ADAMTS12: variants seen among roughly 807,000 people sequenced by gnomAD.
The protein encoded by ADAMTS12 is ADAM metallopeptidase with thrombospondin type 1 motif 12.
ADAMTS12 carries 118 observed loss-of-function variants against 167.8 expected under a neutral mutation model. The ratio of observed to expected loss-of-function variants is 0.70; its 90% CI spans 0.61 to 0.82. The LOEUF (loss-of-function observed/expected upper bound fraction) is 0.82, where lower values mean the gene tolerates loss of function less well. Ranked by LOEUF, ADAMTS12 falls within the 40% of genes least tolerant of loss-of-function variation. ADAMTS12 has a pLI of 0.00. For synonymous variants in ADAMTS12, 704 were observed against 716.9 expected, an observed-to-expected ratio of 0.98 and a Z score of 0.29; for missense variants, 1,916 against 1,998.8, an observed-to-expected ratio of 0.96 and a Z score of 0.79.
At chr5:33,868,528 C>A (rs1191112593) in intron 2 of ADAMTS12, among the ~76,000 whole-genome samples, 2 of 152,136 alleles carry the variant, frequency 1.3e-5, no homozygotes, top group Non-Finnish European at 2.9e-5. Flanking sequence ...CGTGCTCCTG[C>A]CCTAGAGATC....
At chr5:33,860,588 C>A (rs1475419805) in intron 2 of ADAMTS12, among the ~76,000 whole-genome samples, 1 of 152,172 alleles carries the variant, frequency 6.6e-6, no homozygotes, top group East Asian at 1.9e-4. Flanking sequence ...GGAAAACACA[C>A]TTCAGGATAC....
At chr5:33,795,218 A>T (rs1746728934) in intron 2 of ADAMTS12, among the ~76,000 whole-genome samples, 1 of 152,202 alleles carries the variant, frequency 6.6e-6, no homozygotes, top group African/African-American at 2.4e-5. Context: ...CCTGGCACCC[A>T]GTGTGCTTAC....
chr5:33,830,582 A>T (rs961079), intron 2 of ADAMTS12, among the ~76,000 whole-genome samples: 41,770 of 152,070 alleles, frequency 0.27, 6,783 homozygotes, highest in Non-Finnish European at 0.37. Flanking sequence ...TGAGCTCAGG[A>T]GTTCAAGAGC....
At chr5:33,835,532 T>C (rs1306905470) in intron 2 of ADAMTS12, among the ~76,000 whole-genome samples, 1 of 152,216 alleles carries the variant, frequency 6.6e-6, no homozygotes, top group Admixed American at 6.5e-5. Flanking sequence ...ATTCAGTATC[T>C]GGCGAGGGCC....
intron 13 of ADAMTS12, among the ~76,000 whole-genome samples, chr5:33,626,801 G>A (rs1181498841): frequency 6.8e-6 from 1 of 146,560 alleles, no homozygotes; most frequent in Non-Finnish European, 1.5e-5. Flanking sequence ...TGGTGATGCG[G>A]TAGGGTAGTG....
intron 2 of ADAMTS12, among the ~76,000 whole-genome samples, chr5:33,806,239 C>T (rs773233120): frequency 2.0e-5 from 3 of 152,114 alleles, no homozygotes; most frequent in African/African-American, 7.2e-5. Context: ...AAAAATACTG[C>T]GTGTTTTCAA....
rs1743811948 is a variant in ADAMTS12, at chr5:33,526,376, A to C, written c.*812T>G. The C allele has an allele frequency of 6.6e-6, 1 of 152,192 alleles. No individual in the cohort carries two copies. The highest frequency in any genetic ancestry group is 2.1e-4 in the South Asian group (1 of 4,828). The allele number at this position is 152,192 out of a possible 1,614,324, so 9.4% of individuals were successfully genotyped here. A position where few individuals can be genotyped will look rare whatever the true frequency, so the allele number is the denominator to read the frequency against. On this transcript the variant is annotated 3_prime_UTR_variant, in exon 24 of 24. Coordinates refer to ENST00000504830, the MANE Select transcript of ADAMTS12 (RefSeq NM_030955.4). ...CAAAGGAGTGTGTATTTGCCAGGAA[A>C]GTGGGAAGAATAAAGGCCCACAGTT...
At chr5:33,873,076 C>T (rs911909508) in intron 2 of ADAMTS12, among the ~76,000 whole-genome samples, 2 of 141,588 alleles carry the variant, frequency 1.4e-5, no homozygotes, top group Non-Finnish European at 3.1e-5. Context: ...CTAGGTAGTA[C>T]AATAAAACAA....
intron 1 of ADAMTS12, among the ~76,000 whole-genome samples, chr5:33,883,886 C>T (rs1466701055): frequency 2.0e-5 from 3 of 152,204 alleles, no homozygotes; most frequent in African/African-American, 7.2e-5. Flanking sequence ...GAGGACCTTC[C>T]AGGTCTAGAC....
At chr5:33,787,262 T>C (rs1746364975) in intron 2 of ADAMTS12, among the ~76,000 whole-genome samples, 1 of 152,206 alleles carries the variant, frequency 6.6e-6, no homozygotes, top group South Asian at 2.1e-4. Flanking sequence ...AGATTGCTGA[T>C]GTAAAGGCTA....
At chr5:33,836,366 T>G (rs938556853) in intron 2 of ADAMTS12, among the ~76,000 whole-genome samples, 6 of 152,136 alleles carry the variant, frequency 3.9e-5, no homozygotes, top group Admixed American at 2.0e-4. Context: ...GACATGCAAA[T>G]GCCAGCTAGA....
chr5:33,656,906 G>C (rs1223937954), intron 7 of ADAMTS12, among the ~76,000 whole-genome samples: 1 of 152,192 alleles, frequency 6.6e-6, no homozygotes, highest in East Asian at 1.9e-4. Context: ...ATGAAAGCAA[G>C]TCACTTAGCT....
chr5:33,863,065 G>A (rs1303790410), intron 2 of ADAMTS12, among the ~76,000 whole-genome samples: 4 of 152,150 alleles, frequency 2.6e-5, no homozygotes, highest in Non-Finnish European at 5.9e-5. Flanking sequence ...AGCTATTTAT[G>A]AGAAACCCAC....
intron 3 of ADAMTS12, among the ~76,000 whole-genome samples, chr5:33,724,435 C>T (rs749081433): frequency 6.6e-6 from 1 of 151,236 alleles, no homozygotes. Flanking sequence ...ATATCTTAAA[C>T]GATTCTGAGA....
At chr5:33,730,087 G>A (rs1325138162) in intron 3 of ADAMTS12, among the ~76,000 whole-genome samples, 2 of 152,304 alleles carry the variant, frequency 1.3e-5, no homozygotes, top group African/African-American at 4.8e-5. Context: ...TCTTGACGAA[G>A]TCCTTCACTA....
Position 33,725,350 on chromosome 5 carries a change from T to C in ADAMTS12, c.634+26054A>G, listed in dbSNP as rs1441308549. ...TTCTCTGATAGTTTAAGGTCAAATA[T>C]GAAGGGAATGCATTGGTGCAAGAGC... is the stretch of plus-strand genomic sequence containing the variant. On this transcript the variant is annotated intron_variant, in intron 3 of 23. Coordinates refer to ENST00000504830, the MANE Select transcript of ADAMTS12 (RefSeq NM_030955.4). Among the ~76,000 whole-genome samples the C allele has an allele frequency of 2.0e-5, 3 of 152,086 alleles. No individual in the cohort carries two copies. In the East Asian group the frequency reaches 5.8e-4, roughly 29 times the overall value.
chr5:33,698,345 T>G (rs1332578199), intron 3 of ADAMTS12, among the ~76,000 whole-genome samples: 1 of 152,172 alleles, frequency 6.6e-6, no homozygotes, highest in Non-Finnish European at 1.5e-5. Flanking sequence ...TGGGCAGGAA[T>G]CCTAACTTTG....
intron 17 of ADAMTS12, among the ~76,000 whole-genome samples, chr5:33,595,062 A>C (rs1189537181): frequency 6.6e-6 from 1 of 152,094 alleles, no homozygotes; most frequent in East Asian, 1.9e-4. Flanking sequence ...CTTTCTGGAA[A>C]TCAACCAATA....
chr5:33,850,726 G>C (rs867776922), intron 2 of ADAMTS12, among the ~76,000 whole-genome samples: 4 of 152,114 alleles, frequency 2.6e-5, no homozygotes, highest in East Asian at 3.8e-4. Flanking sequence ...AGATTCAAAG[G>C]TCAAAGAGAG....
Sources: allele counts gnomAD v4.1 joint callset (sites outside exome capture counted in the v4.1 genomes callset), GRCh38; gene constraint gnomAD v4.1.1; transcripts MANE v1.5; gene names NCBI Gene and HGNC (gene_info 2026-07-23, HGNC 2026-07-21).